GUCY2C: variants seen among roughly 807,000 people sequenced by gnomAD.
GUCY2C encodes the protein guanylate cyclase 2C.
A neutral mutation model predicts 131.1 loss-of-function variants in GUCY2C; 118 were observed. That is an observed-to-expected ratio of 0.90 (90% CI 0.78 to 1.05). The LOEUF is 1.05. GUCY2C is among the 50% of genes least tolerant of loss of function. The pLI is 0.00. For synonymous variants in GUCY2C, 452 were observed against 457.8 expected (o/e 0.99, Z 0.16); for missense variants, 1,161 against 1,304.4 (o/e 0.89, Z 1.69).
At chr12:14,615,287 C>T (rs746060939) in intron 25 of GUCY2C, among the ~76,000 whole-genome samples, 6 of 152,098 alleles carry the variant, frequency 3.9e-5, no homozygotes, top group Non-Finnish European at 8.8e-5. Context: ...AATTCTGCTA[C>T]GTCAACAAAT....
At chr12:14,677,021 G>T in intron 6 of GUCY2C, 50 bp from the exon 7 acceptor site, 2 of 600,932 alleles carry the variant, frequency 3.3e-6, no homozygotes, top group Admixed American at 2.5e-5. Context: ...AAATAGAGAT[G>T]CATCTTCTAT....
At chr12:14,647,868 GTCA>G (rs1565617741) in intron 15 of GUCY2C, among the ~76,000 whole-genome samples, 1 of 151,388 alleles carries the variant, frequency 6.6e-6, no homozygotes, top group Non-Finnish European at 1.5e-5. Flanking sequence ...TTTGTTTCTA[GTCA>G]TCATACAAAT....
intron 10 of GUCY2C, among the ~76,000 whole-genome samples, chr12:14,662,559 C>A (rs939200832): frequency 6.6e-6 from 1 of 151,648 alleles, no homozygotes; most frequent in Non-Finnish European, 1.5e-5. Flanking sequence ...GCCTGTAATC[C>A]CAGCTATTCG....
Position 14,613,101 on chromosome 12 carries a change from T to A in GUCY2C, c.*16A>T. 6.2e-7 allele frequency: 1 copy of A among 1,604,558 alleles called. No individual in the cohort carries two copies. The highest frequency in any genetic ancestry group is 8.5e-7 in the Non-Finnish European group (1 of 1,171,664). On this transcript the variant is annotated 3_prime_UTR_variant, in exon 27 of 27. Coordinates refer to ENST00000261170, the MANE Select transcript of GUCY2C (RefSeq NM_004963.4). This position sits in a 1 kb window ranked among gnomAD's most constrained non-coding sequence, Gnocchi z 4.9. ...CTGTATTTTAATTTGTGTGAGTCCT[T>A]ATACCTCATTTAGGTTTAAAAATAG...
chr12:14,621,735 T>G (rs1189127273), intron 22 of GUCY2C, among the ~76,000 whole-genome samples: 1 of 152,238 alleles, frequency 6.6e-6, no homozygotes, highest in Non-Finnish European at 1.5e-5. Context: ...TTTAAGAGTA[T>G]GCCATTTTGT....
chr12:14,621,359 G>C (rs1207937415), intron 22 of GUCY2C, 143 bp from the exon 23 acceptor site: 5 of 677,088 alleles, frequency 7.4e-6, no homozygotes, highest in African/African-American at 7.2e-5. Context: ...TCTGGGGCCA[G>C]TTGGATCAGT....
rs542340604 is a variant in GUCY2C, at chr12:14,651,932, C to T, written c.1605+27G>A. The T allele has an allele frequency of 7.0e-6, 9 of 1,280,628 alleles. No homozygotes were observed. The African/African-American group carries it at 1.3e-4, about 19-fold the overall frequency. 79.3% of individuals were successfully genotyped at this position (1,280,628 alleles called of 1,614,324 possible). A position where few individuals can be genotyped will look rare whatever the true frequency, so the allele number is the denominator to read the frequency against. On this transcript the variant is annotated intron_variant, in intron 14 of 26. Coordinates refer to ENST00000261170, the MANE Select transcript of GUCY2C (RefSeq NM_004963.4). ...GAGGAAATGAAGTGAAGTTATTTCT[C>T]AAGGGTTTGAAGTAAGGGCTACATA...
intron 1 of GUCY2C, among the ~76,000 whole-genome samples, chr12:14,693,412 A>G (rs1040738037): frequency 5.3e-5 from 8 of 152,052 alleles, no homozygotes; most frequent in Non-Finnish European, 5.9e-5. Context: ...TCTTTTTTTC[A>G]TGTTCTTTCC....
Position 14,675,205 on chromosome 12 carries a change from C to G in GUCY2C, c.949-445G>C, listed in dbSNP as rs1432032887. Among the ~76,000 whole-genome samples the G allele has an allele frequency of 1.3e-4, 8 of 62,360 alleles. No individual in the cohort carries two copies. The Admixed American group carries it at 2.0e-3, about 16-fold the overall frequency. The allele number at this position is 62,360 out of a possible 152,430, so 40.9% of individuals were successfully genotyped here. On this transcript the variant is annotated intron_variant, in intron 7 of 26. Transcript: ENST00000261170. The stretch of plus-strand genomic sequence containing the variant: ...CCTGGGTGACAGAGTGAAACTCCAT[C>G]TCAAAAAAAAAAAAAAAAAAAAAAG...
intron 4 of GUCY2C, 100 bp from the exon 5 acceptor site, chr12:14,681,577 T>C: frequency 1.0e-6 from 1 of 985,908 alleles, no homozygotes; most frequent in South Asian, 1.4e-5. Context: ...TTTGTTCATC[T>C]AAAATTCATT....
Position 14,683,216 on chromosome 12 carries a change from C to T in GUCY2C, c.437G>A (p.Ser146Asn), listed in dbSNP as rs777823294. The part of the protein sequence containing the change: ...ELSYPMISAG[S>N]FGLSCDYKET... ...TTTATAGTCACATGACAATCCAAAA[C>T]TTCCAGCTGAGATCATGGGGTAGCT... Residue 146 changes from serine (S) to asparagine (N), a missense_variant, in exon 4 of 27, where the codon AGT (serine) becomes AAT (asparagine). Coordinates refer to ENST00000261170, the MANE Select transcript of GUCY2C (RefSeq NM_004963.4). The T allele has an allele frequency of 6.2e-7, 1 of 1,613,718 alleles. No individual in the cohort carries two copies. The highest frequency in any genetic ancestry group is 1.1e-5 in the South Asian group (1 of 91,070).
At chr12:14,656,420 C>T (rs1307641283) in intron 12 of GUCY2C, 92 bp downstream of exon 12, 2 of 678,478 alleles carry the variant, frequency 2.9e-6, no homozygotes, top group Non-Finnish European at 2.7e-6. Context: ...GAACAACTAT[C>T]CCTACTTGGC....
At chr12:14,672,832 G>T in intron 9 of GUCY2C, 41 bp downstream of exon 9, 1 of 1,161,016 alleles carries the variant, frequency 8.6e-7, no homozygotes, top group Non-Finnish European at 1.3e-6. Flanking sequence ...TCCTCACCCA[G>T]TCACAGCACC....
intron 11 of GUCY2C, among the ~76,000 whole-genome samples, chr12:14,659,593 A>C (rs181128850): frequency 1.3e-5 from 2 of 152,206 alleles, no homozygotes; most frequent in Non-Finnish European, 2.9e-5. Context: ...AAGTAAATGC[A>C]TGTAAAATAG....
At chr12:14,663,387 T>A (rs553673371) in intron 10 of GUCY2C, among the ~76,000 whole-genome samples, 2 of 152,344 alleles carry the variant, frequency 1.3e-5, no homozygotes, top group African/African-American at 4.8e-5. Context: ...GGTTCAAAGA[T>A]TCTCCTGCCT....
chr12:14,671,723 G>A (rs1249411448), intron 9 of GUCY2C, among the ~76,000 whole-genome samples: 2 of 152,150 alleles, frequency 1.3e-5, no homozygotes, highest in African/African-American at 2.4e-5. Flanking sequence ...GATCTCACAC[G>A]TTTCTGCCTC....
At position 14,619,134 on chromosome 12, in the gene GUCY2C, G is replaced by A. The variant is rs1335701765; in HGVS notation, c.2875+77C>T. 9.9e-6 allele frequency: 8 copies of A among 806,464 alleles called. No individual in the cohort carries two copies. In the African/African-American group the frequency reaches 1.3e-4, roughly 14 times the overall value. The allele number at this position is 806,464 out of a possible 1,614,324, so 50.0% of individuals were successfully genotyped here. ...CACTGGCACTTTGTATCTCCTTATT[G>A]TGCATTTTATCTCACAGTTGCCCTC... On this transcript the variant is annotated intron_variant, in intron 24 of 26. Coordinates refer to ENST00000261170, the MANE Select transcript of GUCY2C (RefSeq NM_004963.4).
chr12:14,637,439 C>T (rs1357843719), intron 19 of GUCY2C, among the ~76,000 whole-genome samples: 1 of 151,986 alleles, frequency 6.6e-6, no homozygotes, highest in Non-Finnish European at 1.5e-5. Context: ...AAAAACAATC[C>T]TAAAATCCAT....
rs1314174709 is a variant in GUCY2C at position 14,681,479 on chromosome 12, TGGAATAGGAAAAAGAGAAAC to T, written c.612-22_612-3del. ...CTAGCCTCCAGAGCATTAAGGTACC[TGGAATAGGAAAAAGAGAAAC>T]TAAAACAGCTTACTTCCCTCATGGC... On this transcript the variant is annotated splice_region_variant and splice_polypyrimidine_tract_variant and intron_variant, in intron 4 of 26. Transcript: ENST00000261170. 2 of 1,475,292 alleles carry T rather than the reference TGGAATAGGAAAAAGAGAAAC, an allele frequency of 1.4e-6. No homozygotes were observed. The highest frequency in any genetic ancestry group is 5.0e-5 in the East Asian group (2 of 39,830). 91.4% of individuals were successfully genotyped at this position (1,475,292 alleles called of 1,614,324 possible).
Sources: allele counts gnomAD v4.1 joint callset (sites outside exome capture counted in the v4.1 genomes callset), GRCh38; gene constraint gnomAD v4.1.1; non-coding constraint Gnocchi (gnomAD v3.1); transcripts MANE v1.5; gene names NCBI Gene and HGNC (gene_info 2026-07-23, HGNC 2026-07-21).